GALNT10: variants seen among roughly 807,000 people sequenced by gnomAD.
The protein encoded by GALNT10 is GalNAc transferase 10.
GALNT10 carries 41 observed loss-of-function variants against 75.0 expected under a neutral mutation model. The observed-to-expected ratio is 0.55, with a 90% CI of 0.43 to 0.71. The LOEUF (loss-of-function observed/expected upper bound fraction) is 0.71, where lower values mean the gene tolerates loss of function less well. Ranked by LOEUF, GALNT10 falls within the 30% of genes least tolerant of loss-of-function variation. The pLI, the probability that GALNT10 is intolerant of heterozygous loss-of-function variation, is 0.00. For synonymous variants in GALNT10, 302 were observed against 313.0 expected, an observed-to-expected ratio of 0.96 and a Z score of 0.37; for missense variants, 727 against 818.5, an observed-to-expected ratio of 0.89 and a Z score of 1.36.
chr5:154,342,005 C>G (rs1031152844), intron 4 of GALNT10, among the ~76,000 whole-genome samples: 14 of 152,168 alleles, frequency 9.2e-5, no homozygotes, highest in African/African-American at 2.9e-4. Flanking sequence ...TAAGTACTGT[C>G]TTCCCTTTTG....
At chr5:154,338,180 A>C (rs878985121) in intron 4 of GALNT10, 1 of 776,312 alleles carries the variant, frequency 1.3e-6, no homozygotes, top group South Asian at 1.3e-5. Flanking sequence ...TGGTTCTGCA[A>C]CTCTTCCATC....
At chr5:154,244,938 G>T (rs1469730231) in intron 1 of GALNT10, among the ~76,000 whole-genome samples, 1 of 152,214 alleles carries the variant, frequency 6.6e-6, no homozygotes, top group Non-Finnish European at 1.5e-5. Context: ...GTTGAGGGGA[G>T]ACCTAGATGT....
At chr5:154,354,548 A>G (rs1755259570) in intron 4 of GALNT10, among the ~76,000 whole-genome samples, 1 of 152,142 alleles carries the variant, frequency 6.6e-6, no homozygotes, top group Admixed American at 6.5e-5. Context: ...GTCCCAACTG[A>G]CTTCCCAGTT....
intron 1 of GALNT10, among the ~76,000 whole-genome samples, chr5:154,238,534 C>T (rs972681121): frequency 2.0e-5 from 3 of 152,136 alleles, no homozygotes; most frequent in Admixed American, 1.3e-4. Context: ...TCTCCCCCTG[C>T]GCTTTACCCT....
At chr5:154,388,900 A>G (rs981069232) in intron 7 of GALNT10, 1 of 149,918 alleles carries the variant, frequency 6.7e-6, no homozygotes, top group African/African-American at 2.5e-5. Flanking sequence ...AAAAAAAAAA[A>G]AAGAAGGAAA....
intron 1 of GALNT10, among the ~76,000 whole-genome samples, chr5:154,238,357 T>G (rs1443008377): frequency 2.0e-5 from 3 of 152,188 alleles, no homozygotes; most frequent in Non-Finnish European, 4.4e-5. Flanking sequence ...TCCTGGATAT[T>G]ATTTTTTAGG....
intron 3 of GALNT10, among the ~76,000 whole-genome samples, chr5:154,308,100 C>T (rs1754462521): frequency 6.7e-6 from 1 of 149,802 alleles, no homozygotes; most frequent in African/African-American, 2.5e-5. Flanking sequence ...GAATAAAGAT[C>T]ACTGCAAATA....
intron 4 of GALNT10, among the ~76,000 whole-genome samples, chr5:154,374,579 G>T (rs964589206): frequency 6.6e-6 from 1 of 152,144 alleles, no homozygotes; most frequent in African/African-American, 2.4e-5. Flanking sequence ...GCCTCAACCC[G>T]GTTCAAGCGA....
chr5:154,333,013 T>G (rs1385791937), intron 4 of GALNT10, among the ~76,000 whole-genome samples: 1 of 152,196 alleles, frequency 6.6e-6, no homozygotes, highest in Non-Finnish European at 1.5e-5. Context: ...CCCGTGACTT[T>G]GTGCCTGCTC....
At chr5:154,407,615 G>A (rs1306316223) in intron 8 of GALNT10, among the ~76,000 whole-genome samples, 1 of 152,124 alleles carries the variant, frequency 6.6e-6, no homozygotes. Context: ...GACTCGAGCA[G>A]GTTAGACAGT....
chr5:154,343,709 G>T (rs1160010908), intron 4 of GALNT10, among the ~76,000 whole-genome samples: 4 of 152,096 alleles, frequency 2.6e-5, no homozygotes, highest in African/African-American at 9.7e-5. Flanking sequence ...TCAATTCTGG[G>T]GGGTAGATTA....
At chr5:154,373,876 T>A (rs577656992) in intron 4 of GALNT10, among the ~76,000 whole-genome samples, 7 of 152,240 alleles carry the variant, frequency 4.6e-5, no homozygotes, top group Admixed American at 4.6e-4. Flanking sequence ...TCGGGGTGAT[T>A]TAGCGATGGG....
intron 4 of GALNT10, among the ~76,000 whole-genome samples, chr5:154,371,964 A>G (rs908483000): frequency 1.3e-5 from 2 of 152,178 alleles, no homozygotes; most frequent in African/African-American, 4.8e-5. Flanking sequence ...TCGCTTCCAA[A>G]TCATCCCGTG....
chr5:154,293,582 T>C (rs2113072369), intron 1 of GALNT10, among the ~76,000 whole-genome samples: 2 of 148,122 alleles, frequency 1.4e-5, no homozygotes, highest in Middle Eastern at 3.4e-3. Context: ...TGGGGGCTGC[T>C]CTCTTGGGGC....
chr5:154,208,703 T>C (rs2113646846), intron 1 of GALNT10, among the ~76,000 whole-genome samples: 1 of 152,298 alleles, frequency 6.6e-6, no homozygotes, highest in East Asian at 1.9e-4. Context: ...TAGTCAAGGT[T>C]CAGTCAGGAC....
intron 1 of GALNT10, among the ~76,000 whole-genome samples, chr5:154,285,412 G>A (rs1754097024): frequency 6.6e-6 from 1 of 152,126 alleles, no homozygotes; most frequent in Non-Finnish European, 1.5e-5. Context: ...AAACTTAAAA[G>A]TAACATGTGA....
At chr5:154,221,842 G>A (rs1044323203) in intron 1 of GALNT10, among the ~76,000 whole-genome samples, 5 of 152,138 alleles carry the variant, frequency 3.3e-5, no homozygotes, top group Non-Finnish European at 5.9e-5. Context: ...TGCTGACACC[G>A]CGCTTACAGT....
intron 1 of GALNT10, among the ~76,000 whole-genome samples, chr5:154,266,490 T>C (rs1753776089): frequency 6.6e-6 from 1 of 151,684 alleles, no homozygotes; most frequent in African/African-American, 2.4e-5. Context: ...TAGTTTCCTA[T>C]AGAGGATTTA....
intron 4 of GALNT10, among the ~76,000 whole-genome samples, chr5:154,368,656 A>C (rs1257308840): frequency 1.3e-5 from 2 of 152,204 alleles, no homozygotes; most frequent in Non-Finnish European, 2.9e-5. Context: ...AGCCAGAAAA[A>C]GTATGTCTTT....
Sources: gnomAD v4.1 joint callset for allele counts (sites outside exome capture counted in the v4.1 genomes callset) on GRCh38, gnomAD v4.1.1 for gene constraint, MANE v1.5 for transcripts, NCBI Gene and HGNC (gene_info 2026-07-23, HGNC 2026-07-21) for gene names.